The following SIGLEC6 variants were observed in gnomAD, a reference collection of about 807,000 sequenced individuals.
SIGLEC6 encodes sialic acid-binding Ig-like lectin 6.
Under a neutral mutation model 41.4 loss-of-function variants are expected in SIGLEC6, and 31 were observed. The observed-to-expected ratio is 0.75, with a 90% CI of 0.56 to 1.01. The LOEUF (loss-of-function observed/expected upper bound fraction) is 1.01, where lower values mean the gene tolerates loss of function less well. Among genes scored for constraint, SIGLEC6 ranks in the 50% least tolerant of loss-of-function variants. The pLI is 0.00. For synonymous variants in SIGLEC6, 217 were observed against 231.0 expected (o/e 0.94, Z 0.55); for missense variants, 555 against 558.6 (o/e 0.99, Z 0.06).
Position 51,529,735 on chromosome 19 carries a change from A to G in SIGLEC6, c.1001T>C (p.Leu334Pro). 1.2e-6 allele frequency: 2 copies of G among 1,614,088 alleles called. No individual in the cohort carries two copies. The highest frequency in any genetic ancestry group is 1.7e-6 in the Non-Finnish European group (2 of 1,180,000). ...PLGSLQISLS[L>P]FVHWKPEGRA... ...CCCCCCACACTCACAATGCACAAAG[A>G]GACTCAGAGAGATTTGCAGGGAGCC... The change falls in exon 5 of 8, where the codon CTC (leucine) becomes CCC (proline). Residue 334 changes from leucine to proline, a missense_variant. Coordinates refer to ENST00000425629, the MANE Select transcript of SIGLEC6 (RefSeq NM_001245.7).
At chr19:51,522,171 G>A (rs1978384778) in intron 7 of SIGLEC6, among the ~76,000 whole-genome samples, 1 of 152,250 alleles carries the variant, frequency 6.6e-6, no homozygotes, top group African/African-American at 2.4e-5. Context: ...TGCTGGAGAA[G>A]GAACAGCTAT....
rs1980337361 is a variant in SIGLEC6, at chr19:51,531,339, T to C, written c.248A>G (p.Glu83Gly). The change falls in exon 2 of 8, where the codon GAA (glutamate) becomes GGA (glycine). Residue 83 changes from glutamate (E) to glycine (G), a missense_variant. Coordinates refer to ENST00000425629, the MANE Select transcript of SIGLEC6 (RefSeq NM_001245.7). Reference protein sequence around the residue: ...DVPVATNDPDEEVQEETRGRF... With the variant: ...DVPVATNDPDGEVQEETRGRF... ...GCCCCGGGTCTCCTCCTGCACTTCT[T>C]CGTCTGGGTCGTTTGTGGCCACTGG... 1.2e-6 allele frequency: 2 copies of C among 1,614,136 alleles called. No homozygotes were observed. Among genetic ancestry groups the C allele is most frequent in the Non-Finnish European group, 1.7e-6 (2 of 1,180,006 alleles).
Position 51,531,108 on chromosome 19 carries a change from C to G in SIGLEC6, c.427+52G>C, listed in dbSNP as rs1231519376. Reference sequence around the variant, plus strand: ...ACGGGGCTCCCGTCCCAGCCCTGCCCTACGGCCCCCATGACCTTCCCCTGT... The same window carrying G: ...ACGGGGCTCCCGTCCCAGCCCTGCCGTACGGCCCCCATGACCTTCCCCTGT... On this transcript the variant is annotated intron_variant, in intron 2 of 7. Coordinates refer to ENST00000425629, the MANE Select transcript of SIGLEC6 (RefSeq NM_001245.7). 6 of 1,554,026 alleles carry G rather than the reference C, an allele frequency of 3.9e-6. No homozygotes were observed. The South Asian group carries it at 7.4e-5, about 19-fold the overall frequency.
chr19:51,530,528 A>G (rs1368358112), intron 3 of SIGLEC6, 44 bp from the exon 4 acceptor site: 1 of 1,613,042 alleles, frequency 6.2e-7, no homozygotes, highest in Non-Finnish European at 8.5e-7. Context: ...CTGAGGAGGG[A>G]TGGTAGGCAT....
intron 7 of SIGLEC6, among the ~76,000 whole-genome samples, chr19:51,526,619 G>C (rs1979276315): frequency 6.6e-6 from 1 of 152,114 alleles, no homozygotes; most frequent in Admixed American, 6.5e-5. Flanking sequence ...AAGGACTCTG[G>C]CAAATCTAAA....
Position 51,519,972 on chromosome 19 carries a change from C to T in SIGLEC6, c.*110G>A, listed in dbSNP as rs1032734013. ...TCTGAAACTATACGAAAATAAAGTT[C>T]TGTGTTTATGTCACTCGGTTTGTGG... is the stretch of plus-strand genomic sequence containing the variant. On this transcript the variant is annotated 3_prime_UTR_variant, in exon 8 of 8. Coordinates refer to ENST00000425629, the MANE Select transcript of SIGLEC6 (RefSeq NM_001245.7). The T allele has an allele frequency of 3.6e-5, 35 of 960,926 alleles. No homozygotes were observed. Among genetic ancestry groups the T allele is most frequent in the Non-Finnish European group, 1.3e-5 (9 of 671,208 alleles). The allele number at this position is 960,926 out of a possible 1,614,324, so 59.5% of individuals were successfully genotyped here. A position where few individuals can be genotyped will look rare whatever the true frequency, so the allele number is the denominator to read the frequency against.
chr19:51,529,580 C>T, intron 5 of SIGLEC6, 144 bp downstream of exon 5: 1 of 1,046,372 alleles, frequency 9.6e-7, no homozygotes, highest in Non-Finnish European at 1.4e-6. Flanking sequence ...AGTGTGGACT[C>T]TAAGCCTCCC....
intron 7 of SIGLEC6, among the ~76,000 whole-genome samples, chr19:51,524,421 A>G (rs538425406): frequency 5.6e-4 from 85 of 152,368 alleles, no homozygotes; most frequent in African/African-American, 2.0e-3. Context: ...TCAATTCATT[A>G]CAAGATATAA....
Position 51,531,638 on chromosome 19 carries a change from G to T in SIGLEC6, c.11C>A (p.Ala4Asp), listed in dbSNP as rs1215904686. 2.5e-6 allele frequency: 4 copies of T among 1,606,594 alleles called. No homozygotes were observed. The African/African-American group carries it at 5.3e-5, about 21-fold the overall frequency. ...CATCTCTGAGGCGGAGGCTTCCTGG[G>T]CTCCCTGCATGAGCAGAGAAGGGGA... MQGAQEASASEMLP... is the reference protein window; with the variant it reads MQGDQEASASEMLP... Residue 4 changes from alanine (A) to aspartate (D), a missense_variant, in exon 1 of 8, where the codon GCC becomes GAC. By Grantham distance (126) the Ala-to-Asp change is moderately radical. Transcript: ENST00000425629.
intron 3 of SIGLEC6, 45 bp downstream of exon 3, chr19:51,530,636 C>G: frequency 6.2e-7 from 1 of 1,608,546 alleles, no homozygotes; most frequent in Non-Finnish European, 8.5e-7. Context: ...CCTGCCCTGT[C>G]CCCCCACACC....
rs369948565 is a variant in SIGLEC6 at position 51,529,713 on chromosome 19, C to G, written c.1012+11G>C. ...CTGCCCACACTCTCGCGCACCTCCC[C>G]CCACACTCACAATGCACAAAGAGAC... On this transcript the variant is annotated intron_variant, in intron 5 of 7. Transcript: ENST00000425629. 1,688 of 1,613,798 alleles carry G rather than the reference C, an allele frequency of 1.0e-3. 1 individual carries two copies. The highest frequency in any genetic ancestry group is 1.3e-3 in the Non-Finnish European group (1,566 of 1,179,936).
Position 51,527,738 on chromosome 19 carries a change from G to A in SIGLEC6, c.1188+9C>T, listed in dbSNP as rs1329071586. On this transcript the variant is annotated intron_variant, in intron 7 of 7. Coordinates refer to ENST00000425629, the MANE Select transcript of SIGLEC6 (RefSeq NM_001245.7). ...ATGCTGAATGGAAATTAAGGTCTCT[G>A]TCACTCACCCTGGAGCCTGAGACCA... The A allele has an allele frequency of 6.2e-7, 1 of 1,613,474 alleles. No homozygotes were observed. Among genetic ancestry groups the A allele is most frequent in the South Asian group, 1.1e-5 (1 of 91,058 alleles).
At chr19:51,521,531 T>C (rs1468870109) in intron 7 of SIGLEC6, among the ~76,000 whole-genome samples, 1 of 152,160 alleles carries the variant, frequency 6.6e-6, no homozygotes, top group African/African-American at 2.4e-5. Flanking sequence ...AGTCCGAGAC[T>C]AAAGGTGTGA....
Position 51,530,882 on chromosome 19 carries a change from G to T in SIGLEC6, c.505C>A (p.Pro169Thr). The T allele has an allele frequency of 6.2e-7, 1 of 1,613,806 alleles. No homozygotes were observed. Among genetic ancestry groups the T allele is most frequent in the Non-Finnish European group, 8.5e-7 (1 of 1,180,000 alleles). ...GHPSNLTCSV[P>T]WVCEQGTPPI... is the part of the protein sequence containing the mutation. ...GGCGTCCCCTGCTCACAGACCCAGG[G>T]CACAGAGCAGGTCAGATTGCTGGGA... The change falls in exon 3 of 8, where the codon CCC (proline) becomes ACC (threonine). Residue 169 changes from proline to threonine, a missense_variant. Transcript: ENST00000425629.
rs1281744614 is a variant in SIGLEC6 at position 51,529,865 on chromosome 19, G to T, written c.871C>A (p.Pro291Thr). The T allele has an allele frequency of 6.2e-7, 1 of 1,614,034 alleles. No homozygotes were observed. Among genetic ancestry groups the T allele is most frequent in the Non-Finnish European group, 8.5e-7 (1 of 1,180,036 alleles). ...PAHLSWFQGF[P>T]ALNATPISNT... ...GAGATGGGGGTGGCGTTCAGGGCGG[G>T]GAAGCCCTGGAACCAGCTCAGGTGT... The change falls in exon 5 of 8, where the codon CCC (proline) becomes ACC (threonine). Residue 291 changes from proline to threonine, a missense_variant. Transcript: ENST00000425629.
At position 51,518,467 on chromosome 19, in the gene SIGLEC6, A is replaced by C. The variant is rs529188153; in HGVS notation, c.*1615T>G. 6.6e-5 allele frequency among the ~76,000 whole-genome samples: 10 copies of C among 152,294 alleles called. No homozygotes were observed. The East Asian group carries it at 1.9e-3, about 29-fold the overall frequency. ...CAATTCTCCTGCTTCAACCTGCAGA[A>C]GTACCTGGGATTACAGGCAAGTGCC... is the stretch of plus-strand genomic sequence containing the variant. On this transcript the variant is annotated 3_prime_UTR_variant, in exon 8 of 8. Coordinates refer to ENST00000425629, the MANE Select transcript of SIGLEC6 (RefSeq NM_001245.7).
chr19:51,526,627 A>G (rs1403874939), intron 7 of SIGLEC6, among the ~76,000 whole-genome samples: 1 of 152,224 alleles, frequency 6.6e-6, no homozygotes, highest in Non-Finnish European at 1.5e-5. Flanking sequence ...TGGCAAATCT[A>G]AAAGCCAGAG....
intron 7 of SIGLEC6, among the ~76,000 whole-genome samples, chr19:51,520,607 C>T (rs912636052): frequency 2.0e-5 from 3 of 151,940 alleles, no homozygotes; most frequent in Non-Finnish European, 4.4e-5. Context: ...GAACCCTGGG[C>T]TCAAGGAATC....
intron 4 of SIGLEC6, 36 bp downstream of exon 4, chr19:51,530,401 C>T (rs759496423): frequency 6.3e-7 from 1 of 1,592,432 alleles, no homozygotes. Flanking sequence ...CTGCTTCCAT[C>T]TGGCCCTGGA....
Sources: gnomAD v4.1 joint callset for allele counts (sites outside exome capture counted in the v4.1 genomes callset) on GRCh38, gnomAD v4.1.1 for gene constraint, MANE v1.5 for transcripts, NCBI Gene and HGNC (gene_info 2026-07-23, HGNC 2026-07-21) for gene names.